The following COMMD9 variants were observed in gnomAD, a reference collection of about 807,000 sequenced individuals.
The protein encoded by COMMD9 is COMM domain-containing protein 9.
Under a neutral mutation model 23.4 loss-of-function variants are expected in COMMD9, and 22 were observed. The observed-to-expected ratio is 0.94, with a 90% CI of 0.67 to 1.34. The LOEUF is 1.34. Among genes scored for constraint, COMMD9 ranks in the 40% most tolerant of loss-of-function variants. The pLI is 0.00. For synonymous variants in COMMD9, 99 were observed against 97.4 expected (o/e 1.02, Z -0.10); for missense variants, 231 against 240.2 (o/e 0.96, Z 0.25).
chr11:36,276,563 T>C (rs1855976555), intron 4 of COMMD9: 1 of 274,208 alleles, frequency 3.6e-6, no homozygotes, highest in Admixed American at 4.7e-5. Flanking sequence ...TTAGGAAATG[T>C]GTAGCTTCAG....
intron 2 of COMMD9, among the ~76,000 whole-genome samples, chr11:36,279,549 C>T (rs750678938): frequency 4.6e-5 from 7 of 152,188 alleles, no homozygotes; most frequent in South Asian, 2.1e-4. Flanking sequence ...TCTGTTCTCC[C>T]GGGGAACAAT....
chr11:36,281,642 G>A (rs551609667), intron 1 of COMMD9, among the ~76,000 whole-genome samples: 30 of 152,254 alleles, frequency 2.0e-4, no homozygotes, highest in Admixed American at 9.8e-4. Context: ...TAGTAATGAG[G>A]TGGCACCCCC....
chr11:36,280,820 A>G lies in COMMD9; in HGVS notation c.69T>C (p.Val23=). 1 of 1,593,926 alleles carries G rather than the reference A, an allele frequency of 6.3e-7. No individual in the cohort carries two copies. The highest frequency in any genetic ancestry group is 1.1e-5 in the South Asian group (1 of 87,950). ...AGCTTTCTTGACACAGCTGTCTGAC[A>G]ACATCTTTCGAGGAGGCCTATGAAT... The part of the protein sequence containing the change: ...QSLLKASSKD[V]VRQLCQESFS... Residue 23 remains valine, a synonymous_variant, in exon 2 of 6, where the codon GTT becomes GTC. Coordinates refer to ENST00000263401, the MANE Select transcript of COMMD9 (RefSeq NM_014186.4).
At position 36,274,424 on chromosome 11, in the gene COMMD9, C is replaced by G. The variant is rs1855933807; in HGVS notation, c.*208G>C. On this transcript the variant is annotated 3_prime_UTR_variant, in exon 6 of 6. Coordinates refer to ENST00000263401, the MANE Select transcript of COMMD9 (RefSeq NM_014186.4). ...GATGGGGGCTTCTGCTCTCCAGCTT[C>G]AGAAAGAGAAAGAAGATGAGTGAGA... The G allele has an allele frequency of 1.4e-6, 1 of 731,240 alleles. No individual in the cohort carries two copies. Among genetic ancestry groups the G allele is most frequent in the East Asian group, 2.7e-5 (1 of 37,420 alleles). 45.3% of individuals were successfully genotyped at this position (731,240 alleles called of 1,614,324 possible).
In COMMD9 at chr11:36,289,416, G is replaced by A; in HGVS notation, c.-4C>T. ...GCTCCGCTGTCAGGGCAGCCATCTTGCCGAAGTCACATGACCGTGGCACCC... is the reference window on the plus strand; with the variant it reads ...GCTCCGCTGTCAGGGCAGCCATCTTACCGAAGTCACATGACCGTGGCACCC... On this transcript the variant is annotated 5_prime_UTR_variant, in exon 1 of 6. Transcript: ENST00000263401. 1 of 1,551,884 alleles carries A rather than the reference G, an allele frequency of 6.4e-7. No homozygotes were observed. Among genetic ancestry groups the A allele is most frequent in the East Asian group, 2.4e-5 (1 of 40,958 alleles).
At chr11:36,279,145 C>A (rs1327420557) in intron 2 of COMMD9, among the ~76,000 whole-genome samples, 3 of 152,164 alleles carry the variant, frequency 2.0e-5, no homozygotes, top group African/African-American at 7.2e-5. Context: ...ATACCGGCTC[C>A]TGTGGAGTGA....
chr11:36,288,950 T>A (rs961313992), intron 1 of COMMD9, among the ~76,000 whole-genome samples: 2 of 152,140 alleles, frequency 1.3e-5, no homozygotes, highest in African/African-American at 4.8e-5. Context: ...AAGGGAACAT[T>A]GAACGCACAG....
chr11:36,276,385 C>G (rs139733392), intron 4 of COMMD9, 145 bp from the exon 5 acceptor site: 318 of 619,162 alleles, frequency 5.1e-4, no homozygotes, highest in African/African-American at 4.7e-3. Context: ...AAACAAAGCC[C>G]GAGACCCACA....
rs1855908441 is a variant in COMMD9 at position 36,273,313 on chromosome 11, C to G, written c.*1319G>C. On this transcript the variant is annotated 3_prime_UTR_variant, in exon 6 of 6. Coordinates refer to ENST00000263401, the MANE Select transcript of COMMD9 (RefSeq NM_014186.4). ...AAGCACTCCAAGAGCAGGCTGCAAGCTGTTGCCATGGAGATGATCTGGTGA... is the reference window on the plus strand; with the variant it reads ...AAGCACTCCAAGAGCAGGCTGCAAGGTGTTGCCATGGAGATGATCTGGTGA... 1 of 152,172 alleles carries G rather than the reference C, an allele frequency of 6.6e-6. No homozygotes were observed. Among genetic ancestry groups the G allele is most frequent in the African/African-American group, 2.4e-5 (1 of 41,430 alleles). The allele number at this position is 152,172 out of a possible 1,614,324, so 9.4% of individuals were successfully genotyped here. A position where few individuals can be genotyped will look rare whatever the true frequency, so the allele number is the denominator to read the frequency against.
intron 5 of COMMD9, among the ~76,000 whole-genome samples, chr11:36,275,924 A>C (rs1008313294): frequency 6.6e-6 from 1 of 152,234 alleles, no homozygotes; most frequent in African/African-American, 2.4e-5. Flanking sequence ...AATTATTTTA[A>C]AAATATGTTT....
At chr11:36,274,940 G>T (rs1166032184) in intron 5 of COMMD9, among the ~76,000 whole-genome samples, 168 bp from the exon 6 acceptor site, 2 of 152,232 alleles carry the variant, frequency 1.3e-5, no homozygotes, top group Non-Finnish European at 2.9e-5. Context: ...CAGTAAGGGA[G>T]AGTACAGGAG....
In COMMD9 at chr11:36,274,114, AG is replaced by A; in HGVS notation, c.*517del. 2 of 376,258 alleles carry A rather than the reference AG, an allele frequency of 5.3e-6. No individual in the cohort carries two copies. The highest frequency in any genetic ancestry group is 1.1e-5 in the Non-Finnish European group (2 of 186,614). The allele number at this position is 376,258 out of a possible 1,614,324, so 23.3% of individuals were successfully genotyped here. On this transcript the variant is annotated 3_prime_UTR_variant, in exon 6 of 6. Coordinates refer to ENST00000263401, the MANE Select transcript of COMMD9 (RefSeq NM_014186.4). ...CTGAAGAGGGGTTCCAGTATGGTGG[AG>A]GGGGCTCAGGGAACACTCTGGATGG...
intron 1 of COMMD9, among the ~76,000 whole-genome samples, chr11:36,288,972 G>C (rs1409659171): frequency 6.6e-6 from 1 of 152,062 alleles, no homozygotes; most frequent in Non-Finnish European, 1.5e-5. Context: ...TCATTCGGAG[G>C]GCTGGGCAGA....
chr11:36,288,840 T>A (rs1383627084), intron 1 of COMMD9, among the ~76,000 whole-genome samples: 1 of 152,156 alleles, frequency 6.6e-6, no homozygotes, highest in Non-Finnish European at 1.5e-5. Context: ...CAAAGCCCTA[T>A]GAAGTAGGTC....
At position 36,283,772 on chromosome 11, in the gene COMMD9, T is replaced by A. The variant is rs12283910; in HGVS notation, c.52-2935A>T. Among the ~76,000 whole-genome samples, 400 of 152,198 alleles carry A rather than the reference T, an allele frequency of 2.6e-3. 2 individuals are homozygous for A. The highest frequency in any genetic ancestry group is 9.3e-3 in the African/African-American group (388 of 41,524). On this transcript the variant is annotated intron_variant, in intron 1 of 5. Coordinates refer to ENST00000263401, the MANE Select transcript of COMMD9 (RefSeq NM_014186.4). Reference sequence around the variant, plus strand: ...AGTGTACCAATTAAAAGACAAAAATTGGCAGAGTGGATTAAAAATATGACT... The same window carrying A: ...AGTGTACCAATTAAAAGACAAAAATAGGCAGAGTGGATTAAAAATATGACT...
chr11:36,283,695 G>C (rs1357400422), intron 1 of COMMD9, among the ~76,000 whole-genome samples: 1 of 152,154 alleles, frequency 6.6e-6, no homozygotes, highest in Non-Finnish European at 1.5e-5. Context: ...AAATAAAACA[G>C]TAGACTTAAC....
chr11:36,282,424 T>A (rs1590403267), intron 1 of COMMD9, among the ~76,000 whole-genome samples: 1 of 150,790 alleles, frequency 6.6e-6, no homozygotes. Flanking sequence ...CTTACCTATT[T>A]AAAAAAAACA....
At chr11:36,278,168 T>C (rs1856006068) in intron 3 of COMMD9, 2 of 250,312 alleles carry the variant, frequency 8.0e-6, no homozygotes, top group South Asian at 1.1e-4. Flanking sequence ...AATTTCACTA[T>C]CGTTAATACT....
At position 36,274,337 on chromosome 11, in the gene COMMD9, G is replaced by C. The variant is rs751330487; in HGVS notation, c.*295C>G. 1.6e-6 allele frequency: 1 copy of C among 616,782 alleles called. No homozygotes were observed. Among genetic ancestry groups the C allele is most frequent in the African/African-American group, 1.8e-5 (1 of 55,486 alleles). The allele number at this position is 616,782 out of a possible 1,614,324, so 38.2% of individuals were successfully genotyped here. A position where few individuals can be genotyped will look rare whatever the true frequency, so the allele number is the denominator to read the frequency against. On this transcript the variant is annotated 3_prime_UTR_variant, in exon 6 of 6. Transcript: ENST00000263401. The stretch of plus-strand genomic sequence containing the variant: ...AAACAGCTATGCAGAGGCAGCTGAC[G>C]ATGCAAATGTTCCCTCACCCTGCCA...
Sources: allele counts gnomAD v4.1 joint callset (sites outside exome capture counted in the v4.1 genomes callset), GRCh38; gene constraint gnomAD v4.1.1; transcripts MANE v1.5; gene names NCBI Gene and HGNC (gene_info 2026-07-23, HGNC 2026-07-21).